The following CLIP2 variants were observed in gnomAD, a reference collection of about 807,000 sequenced individuals.
The protein encoded by CLIP2 is CAP-Gly domain-containing linker protein 2.
In CLIP2, 41 loss-of-function variants were observed where a neutral mutation model predicts 111.7. That is an observed-to-expected ratio of 0.37 (90% CI 0.29 to 0.48). The LOEUF is 0.48. CLIP2 is among the 20% of genes least tolerant of loss of function. The pLI is 0.99. For synonymous variants in CLIP2, 660 were observed against 644.2 expected, an observed-to-expected ratio of 1.02 and a Z score of -0.37; for missense variants, 1,160 against 1,422.1, an observed-to-expected ratio of 0.82 and a Z score of 2.96.
chr7:74,321,941 C>G (rs1554730087), intron 2 of CLIP2, among the ~76,000 whole-genome samples: 2 of 150,404 alleles, frequency 1.3e-5, no homozygotes, highest in African/African-American at 4.9e-5. Flanking sequence ...CAGGTGTACC[C>G]TATTTTCTTT....
intron 16 of CLIP2, among the ~76,000 whole-genome samples, chr7:74,403,632 G>T (rs535920754): frequency 1.3e-5 from 2 of 152,248 alleles, no homozygotes; most frequent in African/African-American, 2.4e-5. Context: ...CTTCCCATCA[G>T]CACCTCCCAC....
intron 5 of CLIP2, 44 bp downstream of exon 5, chr7:74,356,667 G>A: frequency 6.5e-7 from 1 of 1,540,924 alleles, no homozygotes; most frequent in Non-Finnish European, 8.8e-7. Flanking sequence ...TGTGCGTTTG[G>A]GAGGGGTGAG....
At chr7:74,315,308 A>G (rs1471125129) in intron 1 of CLIP2, among the ~76,000 whole-genome samples, 1 of 151,878 alleles carries the variant, frequency 6.6e-6, no homozygotes. Flanking sequence ...TAAAGACACA[A>G]AGCTTTTGAT....
At chr7:74,388,067 T>G (rs536293584) in intron 12 of CLIP2, among the ~76,000 whole-genome samples, 26 of 152,242 alleles carry the variant, frequency 1.7e-4, no homozygotes, top group Non-Finnish European at 3.5e-4. Context: ...TGGTGGCTCA[T>G]GCCTGTAATC....
intron 2 of CLIP2, among the ~76,000 whole-genome samples, chr7:74,333,833 G>T (rs1486818313): frequency 6.6e-6 from 1 of 152,160 alleles, no homozygotes; most frequent in Non-Finnish European, 1.5e-5. Flanking sequence ...AGTCACTAGT[G>T]GCTCTTTGCC....
chr7:74,318,325 A>G (rs1788846387), intron 2 of CLIP2, among the ~76,000 whole-genome samples: 1 of 152,104 alleles, frequency 6.6e-6, no homozygotes, highest in Non-Finnish European at 1.5e-5. Context: ...TTTCATTTTC[A>G]TCCTAATAAT....
intron 8 of CLIP2, among the ~76,000 whole-genome samples, chr7:74,371,872 C>T (rs1204485472): frequency 6.6e-6 from 1 of 152,060 alleles, no homozygotes; most frequent in Non-Finnish European, 1.5e-5. Flanking sequence ...TAATGAATTG[C>T]AGGAGTATTT....
In CLIP2 at chr7:74,390,162, G is replaced by GAAAAAGAAAGAAAGA. The variant is rs1215571636; in HGVS notation, c.2720+905_2720+906insAAAGAAAGAAAGAAA. Among the ~76,000 whole-genome samples, 531 of 84,984 alleles carry GAAAAAGAAAGAAAGA rather than the reference G, an allele frequency of 6.2e-3. 11 individuals are homozygous for GAAAAAGAAAGAAAGA. Among genetic ancestry groups the GAAAAAGAAAGAAAGA allele is most frequent in the African/African-American group, 0.014 (321 of 23,294 alleles). 55.8% of individuals were successfully genotyped at this position (84,984 alleles called of 152,430 possible). A position where few individuals can be genotyped will look rare whatever the true frequency, so the allele number is the denominator to read the frequency against. On this transcript the variant is annotated intron_variant, in intron 13 of 16. Transcript: ENST00000223398. The stretch of plus-strand genomic sequence containing the variant: ...AAAGAAAGAAAGAAAAAGAAAGAAA[G>GAAAAAGAAAGAAAGA]AAGAAAGAAAGAAAGAAAGAAAGAA...
At chr7:74,359,743 G>A (rs1344467949) in intron 6 of CLIP2, among the ~76,000 whole-genome samples, 2 of 152,268 alleles carry the variant, frequency 1.3e-5, no homozygotes, top group East Asian at 1.9e-4. Context: ...CTGCTATCTC[G>A]TGTCTGGTTT....
chr7:74,360,169 G>T lies in CLIP2; in HGVS notation c.1216-6G>T. 6.3e-7 allele frequency: 1 copy of T among 1,594,060 alleles called. No homozygotes were observed. The highest frequency in any genetic ancestry group is 8.5e-7 in the Non-Finnish European group (1 of 1,170,592). On this transcript the variant is annotated splice_region_variant and splice_polypyrimidine_tract_variant and intron_variant, in intron 6 of 16. Transcript: ENST00000223398. ...GACCCTGTCCTGGCCTTCCTTGGGG[G>T]CCCAGTATGTTGCAGAAGCCGAGGA...
intron 2 of CLIP2, among the ~76,000 whole-genome samples, chr7:74,320,442 A>G (rs1788917037): frequency 6.6e-6 from 1 of 152,030 alleles, no homozygotes; most frequent in Admixed American, 6.6e-5. Flanking sequence ...GATCCGCTTG[A>G]GCCCAGGAGG....
At chr7:74,346,666 T>A (rs1327739367) in intron 3 of CLIP2, among the ~76,000 whole-genome samples, 2 of 139,630 alleles carry the variant, frequency 1.4e-5, no homozygotes, top group Non-Finnish European at 3.0e-5. Context: ...GAGGTTGCAG[T>A]GAGCTGAGAT....
chr7:74,362,476 A>G (rs1790356851), intron 7 of CLIP2, among the ~76,000 whole-genome samples: 3 of 150,668 alleles, frequency 2.0e-5, no homozygotes. Flanking sequence ...TCTGGTTCCC[A>G]TGGCGATGTG....
intron 14 of CLIP2, among the ~76,000 whole-genome samples, chr7:74,399,107 C>CTGGGCAGTGCTGAAGGATGGAGTT (rs58103410): frequency 0.68 from 101,511 of 149,582 alleles, 34,518 homozygotes; most frequent in Middle Eastern, 0.74. Context: ...GCAGGCAGGA[C>CTGGGCAGTGCTGAAGGATGGAGTT]TGGGCAGTGC....
intron 7 of CLIP2, among the ~76,000 whole-genome samples, chr7:74,361,154 CCCTCCCTCCCTCCCTCCCTTCT>C (rs1790316127): frequency 4.1e-5 from 1 of 24,500 alleles, no homozygotes; most frequent in Non-Finnish European, 9.2e-5. Context: ...CTTCCTTCTT[CCCTCCCTCCCTCCCTCCCTTCT>C]TTCCTTCCTT....
intron 3 of CLIP2, among the ~76,000 whole-genome samples, chr7:74,346,626 G>A (rs1789802845): frequency 6.6e-6 from 1 of 150,440 alleles, no homozygotes. Flanking sequence ...AGGTGGCTGA[G>A]TCAGGACAGT....
intron 16 of CLIP2, among the ~76,000 whole-genome samples, chr7:74,402,191 G>A (rs541131981): frequency 3.7e-4 from 57 of 152,056 alleles, no homozygotes; most frequent in Admixed American, 2.0e-3. Context: ...TTAGCTGGGC[G>A]TGGTGGCGGG....
At chr7:74,307,819 T>TG (rs1290610608) in intron 1 of CLIP2, among the ~76,000 whole-genome samples, 156 of 151,994 alleles carry the variant, frequency 1.0e-3, no homozygotes, top group South Asian at 4.4e-3. Context: ...TGGAGGCTGC[T>TG]GGGGGGTGGT....
At chr7:74,393,752 C>T (rs1791361173) in intron 13 of CLIP2, among the ~76,000 whole-genome samples, 1 of 152,216 alleles carries the variant, frequency 6.6e-6, no homozygotes, top group Admixed American at 6.5e-5. Context: ...GCTCTAGCTA[C>T]ATTTGCTACA....
Sources: allele counts gnomAD v4.1 joint callset (sites outside exome capture counted in the v4.1 genomes callset), GRCh38; gene constraint gnomAD v4.1.1; transcripts MANE v1.5; gene names NCBI Gene and HGNC (gene_info 2026-07-23, HGNC 2026-07-21).